Variants in TSPAN1 observed in about 807,000 individuals in gnomAD.
TSPAN1 encodes the protein tetraspanin-1.
A neutral mutation model predicts 26.9 loss-of-function variants in TSPAN1; 23 were observed. The ratio of observed to expected loss-of-function variants is 0.85; its 90% confidence interval spans 0.62 to 1.21. TSPAN1 has a LOEUF of 1.21. Among genes scored for constraint, TSPAN1 ranks in the 50% most tolerant of loss-of-function variants. The pLI is 0.00. For missense variants in TSPAN1, 283 were observed against 298.4 expected, an observed-to-expected ratio of 0.95 and a Z score of 0.38; for synonymous variants, 115 against 114.8, an observed-to-expected ratio of 1.00 and a Z score of -0.01.
downstream of TSPAN1, chr1:46,190,017 C>T (rs1309639688): frequency 6.2e-7 from 1 of 1,612,594 alleles, no homozygotes; most frequent in East Asian, 2.2e-5. Flanking sequence ...AGAATATAGC[C>T]AAGACAGGGC....
chr1:46,179,450 A>AAGCCCAG, intron 1 of TSPAN1, among the ~76,000 whole-genome samples: 1 of 152,324 alleles, frequency 6.6e-6, no homozygotes, highest in African/African-American at 2.4e-5. Flanking sequence ...CTCATTTGAA[A>AAGCCCAG]AGCCCAGAAC....
At chr1:46,180,329 CT>C (rs1657285828) in intron 1 of TSPAN1, among the ~76,000 whole-genome samples, 196 bp from the exon 2 acceptor site, 1 of 152,214 alleles carries the variant, frequency 6.6e-6, no homozygotes, top group Non-Finnish European at 1.5e-5. Context: ...TGCCCCACCC[CT>C]GGGCTGCTTC....
chr1:46,182,284 C>T (rs78602086), intron 3 of TSPAN1, among the ~76,000 whole-genome samples: 4,051 of 15,208 alleles, frequency 0.27, 259 homozygotes, highest in African/African-American at 0.31. Flanking sequence ...CTCTGGGAAA[C>T]CCAATTTATT....
chr1:46,189,598 G>C (rs374595872), downstream of TSPAN1: 24 of 1,592,246 alleles, frequency 1.5e-5, no homozygotes, highest in Non-Finnish European at 2.0e-5. Context: ...ACAGAGACAT[G>C]GGTCAGAGAG....
rs187606434 is a variant in TSPAN1 at position 46,175,933 on chromosome 1, C to T, written c.-142+524C>T. The T allele has an allele frequency of 5.6e-3, 2,659 of 473,436 alleles. 40 individuals are homozygous for T. Among genetic ancestry groups the T allele is most frequent in the East Asian group, 0.04 (1,039 of 25,884 alleles). 29.3% of individuals were successfully genotyped at this position (473,436 alleles called of 1,614,324 possible). A position where few individuals can be genotyped will look rare whatever the true frequency, so the allele number is the denominator to read the frequency against. On this transcript the variant is annotated intron_variant, in intron 1 of 8. Coordinates refer to ENST00000372003, the MANE Select transcript of TSPAN1 (RefSeq NM_005727.4). ...TGTCACCCAGGCTGGAGTGCAGTGG[C>T]GCGATCTTGGCTCACTGCAACCTCT...
chr1:46,195,871 C>T, the TSPAN1 span: 1 of 1,613,120 alleles, frequency 6.2e-7, no homozygotes, highest in Non-Finnish European at 8.5e-7. Context: ...GCACCATGGC[C>T]TCATCCTCAT....
intron 3 of TSPAN1, chr1:46,183,925 T>C: frequency 3.7e-6 from 2 of 534,824 alleles, no homozygotes; most frequent in Non-Finnish European, 6.7e-6. Context: ...AGGGAAAGTC[T>C]TGCCCCTCTG....
downstream of TSPAN1, among the ~76,000 whole-genome samples, chr1:46,186,222 C>T (rs1359139344): frequency 6.6e-6 from 1 of 152,122 alleles, no homozygotes; most frequent in African/African-American, 2.4e-5. Flanking sequence ...AAACTACCCC[C>T]TCCTGGGTAG....
chr1:46,187,403 G>A (rs188495904), downstream of TSPAN1, among the ~76,000 whole-genome samples: 39 of 152,280 alleles, frequency 2.6e-4, no homozygotes, highest in African/African-American at 9.1e-4. Context: ...GCAAAGCCCA[G>A]CCTAACAAAC....
chr1:46,188,874 C>G, downstream of TSPAN1: 1 of 1,612,856 alleles, frequency 6.2e-7, no homozygotes, highest in Non-Finnish European at 8.5e-7. Context: ...GCCAGCCCCA[C>G]CCTCAGGGCA....
At chr1:46,184,719 G>C (rs1400872065) in intron 5 of TSPAN1, 51 bp downstream of exon 5, 15 of 1,613,484 alleles carry the variant, frequency 9.3e-6, no homozygotes, top group Admixed American at 6.7e-5. Context: ...AACCCTGGGA[G>C]TGGGCTGTGG....
At position 46,184,817 on chromosome 1, in the gene TSPAN1, T is replaced by C. The variant is rs767993057; in HGVS notation, c.372T>C (p.Pro124=). The stretch of plus-strand genomic sequence containing the variant: ...ACTTCCTGACGTTGCTGGTAGTGCC[T>C]GCCATCAAGAAAGATTATGGTTCCC... ...AEHFLTLLVV[P]AIKKDYGSQE... Residue 124 remains proline (P), a synonymous_variant, in exon 6 of 9, where the codon CCT becomes CCC. Transcript: ENST00000372003. 2 of 1,614,178 alleles carry C rather than the reference T, an allele frequency of 1.2e-6. No homozygotes were observed. Among genetic ancestry groups the C allele is most frequent in the East Asian group, 2.2e-5 (1 of 44,878 alleles).
chr1:46,191,855 C>T, the TSPAN1 span: 28 of 459,152 alleles, frequency 6.1e-5, no homozygotes, highest in African/African-American at 2.4e-4. Flanking sequence ...AGGATGGTCT[C>T]GATCTCCTGA....
chr1:46,191,452 G>A, the TSPAN1 span: 2 of 181,260 alleles, frequency 1.1e-5, no homozygotes, highest in African/African-American at 4.8e-5. Context: ...GGCAGAGATT[G>A]CAGGGCTGGA....
At chr1:46,186,913 C>T (rs1382710199), downstream of TSPAN1, among the ~76,000 whole-genome samples, 1 of 152,116 alleles carries the variant, frequency 6.6e-6, no homozygotes, top group Non-Finnish European at 1.5e-5. Flanking sequence ...CCACTCACCT[C>T]GGCCTCCCAA....
At chr1:46,195,997 C>T in the TSPAN1 span, 3 of 1,614,108 alleles carry the variant, frequency 1.9e-6, no homozygotes, top group Non-Finnish European at 2.5e-6. Flanking sequence ...GGGTCACCCA[C>T]CCCTAGAAAC....
intron 3 of TSPAN1, 61 bp downstream of exon 3, chr1:46,181,225 AG>A: frequency 6.6e-7 from 1 of 1,505,108 alleles, no homozygotes; most frequent in Non-Finnish European, 9.1e-7. Flanking sequence ...CAAGCTGAGT[AG>A]AGACTAAGCT....
chr1:46,181,964 C>T (rs1194642656), intron 3 of TSPAN1, among the ~76,000 whole-genome samples: 4 of 152,046 alleles, frequency 2.6e-5, no homozygotes, highest in African/African-American at 7.2e-5. Context: ...GGCGTAAATC[C>T]TGGAGATGGT....
chr1:46,192,532 C>A, the TSPAN1 span: 1 of 1,614,150 alleles, frequency 6.2e-7, no homozygotes, highest in Non-Finnish European at 8.5e-7. Flanking sequence ...TCATTCCAGG[C>A]AGAGATGCAG....
Sources: allele counts gnomAD v4.1 joint callset (sites outside exome capture counted in the v4.1 genomes callset), GRCh38; gene constraint gnomAD v4.1.1; transcripts MANE v1.5; gene names NCBI Gene and HGNC (gene_info 2026-07-23, HGNC 2026-07-21).